HCN1: variants seen among roughly 807,000 people sequenced by gnomAD.
The protein encoded by HCN1 is hyperpolarization activated cyclic nucleotide gated potassium channel 1, also known as potassium/sodium hyperpolarization-activated cyclic nucleotide-gated channel 1.
Under a neutral mutation model 78.9 loss-of-function variants are expected in HCN1, and 13 were observed. The observed-to-expected ratio is 0.16, with a 90% CI of 0.11 to 0.26. The LOEUF is 0.26. Among genes scored for constraint, HCN1 ranks in the 10% least tolerant of loss-of-function variants. The pLI is 1.00. For synonymous variants in HCN1, 552 were observed against 455.5 expected, an observed-to-expected ratio of 1.21 and a Z score of -2.70; for missense variants, 810 against 1,154.3, an observed-to-expected ratio of 0.70 and a Z score of 4.32.
intron 5 of HCN1, among the ~76,000 whole-genome samples, chr5:45,334,000 T>C (rs1242043169): frequency 6.6e-6 from 1 of 151,806 alleles, no homozygotes; most frequent in Non-Finnish European, 1.5e-5. Flanking sequence ...TCAGGGCTTC[T>C]TGAGTTCGGT....
chr5:45,676,496 G>A (rs1746269092), intron 1 of HCN1, among the ~76,000 whole-genome samples: 1 of 151,632 alleles, frequency 6.6e-6, no homozygotes, highest in African/African-American at 2.4e-5. Flanking sequence ...TTCAGAGCAA[G>A]ATATGTTTGG....
intron 1 of HCN1, among the ~76,000 whole-genome samples, chr5:45,668,700 T>C (rs1746095693): frequency 6.6e-6 from 1 of 151,912 alleles, no homozygotes; most frequent in Non-Finnish European, 1.5e-5. Context: ...ATTCTGACCT[T>C]TATGGATGTT....
intron 2 of HCN1, among the ~76,000 whole-genome samples, chr5:45,605,312 T>A (rs1181292774): frequency 6.6e-6 from 1 of 152,000 alleles, no homozygotes; most frequent in Non-Finnish European, 1.5e-5. Context: ...GAATTGTTTT[T>A]CTAGAACTTA....
rs529210939 is a variant in HCN1, at chr5:45,512,573, A to G, written c.850-50566T>C. On this transcript the variant is annotated intron_variant, in intron 2 of 7. Transcript: ENST00000303230. ...ACTTTTTTCTAAGAAAATAATTTTT[A>G]AAAAATCCTGCCCCATGAATATTTT... is the stretch of plus-strand genomic sequence containing the variant. Among the ~76,000 whole-genome samples, 6 of 152,174 alleles carry G rather than the reference A, an allele frequency of 3.9e-5. No individual in the cohort carries two copies. In the South Asian group the frequency reaches 1.2e-3, roughly 32 times the overall value.
At chr5:45,280,241 T>C (rs1225695968) in intron 6 of HCN1, among the ~76,000 whole-genome samples, 2 of 152,138 alleles carry the variant, frequency 1.3e-5, no homozygotes, top group East Asian at 3.9e-4. Flanking sequence ...ATCACTATCA[T>C]AGCAGAAACT....
At chr5:45,465,523 G>C (rs894600366) in intron 2 of HCN1, among the ~76,000 whole-genome samples, 1 of 152,094 alleles carries the variant, frequency 6.6e-6, no homozygotes, top group Non-Finnish European at 1.5e-5. Context: ...GTGGGAGGCC[G>C]AGGTGGGTGG....
At position 45,261,787 on chromosome 5, in the gene HCN1, G is replaced by C; in HGVS notation, c.*134C>G. 1 of 1,071,454 alleles carries C rather than the reference G, an allele frequency of 9.3e-7. No individual in the cohort carries two copies. The highest frequency in any genetic ancestry group is 1.4e-6 in the Non-Finnish European group (1 of 703,110). The allele number at this position is 1,071,454 out of a possible 1,614,324, so 66.4% of individuals were successfully genotyped here. A position where few individuals can be genotyped will look rare whatever the true frequency, so the allele number is the denominator to read the frequency against. On this transcript the variant is annotated 3_prime_UTR_variant, in exon 8 of 8. Coordinates refer to ENST00000303230, the MANE Select transcript of HCN1 (RefSeq NM_021072.4). ...ATGTATATATATTTTTACATTTCACGTGTAGGCCACAGCTGTCTAAAATAT... is the reference window on the plus strand; with the variant it reads ...ATGTATATATATTTTTACATTTCACCTGTAGGCCACAGCTGTCTAAAATAT...
At chr5:45,375,051 A>ATT (rs1215556028) in intron 4 of HCN1, among the ~76,000 whole-genome samples, 1 of 129,580 alleles carries the variant, frequency 7.7e-6, no homozygotes, top group African/African-American at 2.9e-5. Context: ...AAGGAATGGA[A>ATT]TTTTATATAT....
chr5:45,313,359 C>A (rs564873792), intron 5 of HCN1, among the ~76,000 whole-genome samples: 4 of 152,124 alleles, frequency 2.6e-5, no homozygotes, highest in Non-Finnish European at 2.9e-5. Flanking sequence ...ACCAAAACCC[C>A]ATCTGTACGT....
At chr5:45,598,648 A>T (rs2111959665) in intron 2 of HCN1, among the ~76,000 whole-genome samples, 1 of 152,356 alleles carries the variant, frequency 6.6e-6, no homozygotes, top group South Asian at 2.1e-4. Context: ...GAATGGAAGA[A>T]AATTTTTGCA....
intron 3 of HCN1, among the ~76,000 whole-genome samples, chr5:45,430,684 C>T (rs1740444769): frequency 6.6e-6 from 1 of 151,830 alleles, no homozygotes; most frequent in Admixed American, 6.6e-5. Flanking sequence ...AAATTTACTC[C>T]ATCATCGGGC....
At position 45,376,770 on chromosome 5, in the gene HCN1, G is replaced by T. The variant is rs149786527; in HGVS notation, c.1230+19722C>A. 2.0e-5 allele frequency among the ~76,000 whole-genome samples: 3 copies of T among 151,900 alleles called. No homozygotes were observed. In the East Asian group the frequency reaches 5.8e-4, roughly 29 times the overall value. ...TTGTGTCACTGGGATTCTGAACCAT[G>T]TATTTTATACATAGAACACATGCTC... On this transcript the variant is annotated intron_variant, in intron 4 of 7. Transcript: ENST00000303230.
chr5:45,272,167 C>T (rs1418736669), intron 6 of HCN1, among the ~76,000 whole-genome samples: 1 of 151,978 alleles, frequency 6.6e-6, no homozygotes, highest in African/African-American at 2.4e-5. Context: ...CAATATTAAG[C>T]TATTTTGAAA....
At chr5:45,625,351 T>G (rs1339049005) in intron 2 of HCN1, among the ~76,000 whole-genome samples, 1 of 152,074 alleles carries the variant, frequency 6.6e-6, no homozygotes, top group Non-Finnish European at 1.5e-5. Context: ...AATCTTCATG[T>G]ACAATATGTA....
intron 4 of HCN1, among the ~76,000 whole-genome samples, chr5:45,376,917 G>A (rs1332886055): frequency 6.6e-6 from 1 of 151,988 alleles, no homozygotes; most frequent in African/African-American, 2.4e-5. Context: ...AGCCAGGTCT[G>A]AGAACCACTG....
chr5:45,392,256 T>C (rs1739581996), intron 4 of HCN1, among the ~76,000 whole-genome samples: 1 of 152,164 alleles, frequency 6.6e-6, no homozygotes, highest in Admixed American at 6.6e-5. Flanking sequence ...ATTAGGTTGA[T>C]TTAAAAAAAT....
chr5:45,333,545 C>T (rs1314700330), intron 5 of HCN1, among the ~76,000 whole-genome samples: 1 of 151,618 alleles, frequency 6.6e-6, no homozygotes, highest in Non-Finnish European at 1.5e-5. Context: ...GGGTATTGCT[C>T]AAGAAATTTT....
At chr5:45,686,893 A>G (rs1303943291) in intron 1 of HCN1, among the ~76,000 whole-genome samples, 2 of 152,150 alleles carry the variant, frequency 1.3e-5, no homozygotes, top group Non-Finnish European at 2.9e-5. Flanking sequence ...TCTGTGTTAG[A>G]GCCCATTTCC....
intron 2 of HCN1, among the ~76,000 whole-genome samples, chr5:45,607,481 T>C (rs1472344825): frequency 6.6e-6 from 1 of 151,406 alleles, no homozygotes; most frequent in Admixed American, 6.6e-5. Flanking sequence ...AAATACAAGT[T>C]TGTCTCAACA....
Sources: allele counts gnomAD v4.1 joint callset (sites outside exome capture counted in the v4.1 genomes callset), GRCh38; gene constraint gnomAD v4.1.1; transcripts MANE v1.5; gene names NCBI Gene and HGNC (gene_info 2026-07-23, HGNC 2026-07-21).